The following GPM6A variants were observed in gnomAD, a reference collection of about 807,000 sequenced individuals.
The protein encoded by GPM6A is neuronal membrane glycoprotein M6-a.
Under a neutral mutation model 32.1 loss-of-function variants are expected in GPM6A, and 7 were observed. The observed-to-expected ratio is 0.22, with a 90% confidence interval of 0.12 to 0.41. The LOEUF is 0.41. Among genes scored for constraint, GPM6A ranks in the 10% least tolerant of loss-of-function variants. GPM6A has a pLI of 1.00. For missense variants in GPM6A, 235 were observed against 347.2 expected (o/e 0.68, Z 2.57); for synonymous variants, 130 against 123.4 (o/e 1.05, Z -0.35).
chr4:175,719,045 C>T (rs567848154), intron 1 of GPM6A, among the ~76,000 whole-genome samples: 6 of 151,988 alleles, frequency 3.9e-5, no homozygotes, highest in Non-Finnish European at 5.9e-5. Flanking sequence ...CAGATACAAC[C>T]ATCTTACTAA....
At chr4:175,674,837 C>G (rs1743274577) in intron 2 of GPM6A, among the ~76,000 whole-genome samples, 1 of 151,322 alleles carries the variant, frequency 6.6e-6, no homozygotes. Flanking sequence ...ATATGGCATA[C>G]TTTTATAGTG....
intron 1 of GPM6A, among the ~76,000 whole-genome samples, chr4:175,779,398 G>A (rs1310956693): frequency 6.6e-6 from 1 of 152,124 alleles, no homozygotes; most frequent in East Asian, 1.9e-4. Flanking sequence ...CTTTTCCAAA[G>A]CACGTTATAT....
At chr4:175,703,224 T>TTA (rs397972058) in intron 1 of GPM6A, among the ~76,000 whole-genome samples, 1 of 133,652 alleles carries the variant, frequency 7.5e-6, no homozygotes, top group Non-Finnish European at 1.6e-5. Flanking sequence ...CAGGCTGGAC[T>TTA]ACAGTAGTGC....
intron 4 of GPM6A, chr4:175,641,135 G>A (rs1007400100): frequency 1.2e-5 from 4 of 330,784 alleles, no homozygotes; most frequent in Non-Finnish European, 1.1e-5. Flanking sequence ...TAATGTGATA[G>A]TATAGGCATC....
intron 1 of GPM6A, among the ~76,000 whole-genome samples, chr4:175,748,977 A>G (rs900096858): frequency 2.0e-4 from 30 of 152,160 alleles, no homozygotes; most frequent in African/African-American, 7.2e-4. Flanking sequence ...ATAAATGAAG[A>G]TCTGCTAATT....
intron 6 of GPM6A, among the ~76,000 whole-genome samples, chr4:175,639,173 CAAATT>C (rs935060786): frequency 2.6e-5 from 4 of 151,914 alleles, no homozygotes; most frequent in Admixed American, 2.6e-4. Flanking sequence ...TTTAATAAAA[CAAATT>C]AAATACAAAA....
chr4:175,658,763 A>G (rs1414763037), intron 3 of GPM6A, among the ~76,000 whole-genome samples: 1 of 152,230 alleles, frequency 6.6e-6, no homozygotes, highest in Non-Finnish European at 1.5e-5. Context: ...TATTTATATA[A>G]CAAAAAATGA....
At chr4:175,992,109 TC>T (rs1482583949) in intron 1 of GPM6A, among the ~76,000 whole-genome samples, 5 of 149,166 alleles carry the variant, frequency 3.4e-5, no homozygotes, top group African/African-American at 1.3e-4. Context: ...TAAATAGCAA[TC>T]TAAAAGTTTA....
chr4:175,747,956 A>G (rs766040348), intron 1 of GPM6A, among the ~76,000 whole-genome samples: 1 of 152,194 alleles, frequency 6.6e-6, no homozygotes, highest in Non-Finnish European at 1.5e-5. Flanking sequence ...CTAAATTTTT[A>G]CAATATCTTT....
At chr4:175,948,036 G>A (rs1309089138) in intron 1 of GPM6A, among the ~76,000 whole-genome samples, 2 of 152,126 alleles carry the variant, frequency 1.3e-5, no homozygotes, top group Non-Finnish European at 2.9e-5. Context: ...AATAGCAATA[G>A]CAATAGCAAT....
intron 1 of GPM6A, among the ~76,000 whole-genome samples, chr4:175,752,193 C>G (rs959543390): frequency 6.6e-6 from 1 of 152,130 alleles, no homozygotes; most frequent in African/African-American, 2.4e-5. Flanking sequence ...TTCCTTCTAT[C>G]ATCATTTCTT....
At chr4:175,937,113 G>A (rs1194674645) in intron 1 of GPM6A, among the ~76,000 whole-genome samples, 2 of 152,102 alleles carry the variant, frequency 1.3e-5, no homozygotes, top group Non-Finnish European at 2.9e-5. Context: ...AAAAATGGGA[G>A]TAGTTTTGGG....
Position 175,775,649 on chromosome 4 carries a change from CT to C in GPM6A, c.37+36541del, listed in dbSNP as rs1733363543. Reference sequence around the variant, plus strand: ...TCCAAATGCCTTGCTTTCATATTCCCTTAAAGGACTACCTATTAATTGTCAA... The same window carrying C: ...TCCAAATGCCTTGCTTTCATATTCCCTAAAGGACTACCTATTAATTGTCAA... On this transcript the variant is annotated intron_variant, in intron 1 of 6. Coordinates refer to ENST00000393658, the MANE Select transcript of GPM6A (RefSeq NM_201591.3). Among the ~76,000 whole-genome samples the C allele has an allele frequency of 2.0e-5, 3 of 152,110 alleles. No individual in the cohort carries two copies. In the South Asian group the frequency reaches 6.2e-4, roughly 32 times the overall value.
chr4:175,782,901 A>G lies in GPM6A; in HGVS notation c.37+29290T>C, dbSNP rs2111256765. 2.6e-5 allele frequency among the ~76,000 whole-genome samples: 4 copies of G among 152,130 alleles called. No homozygotes were observed. The South Asian group carries it at 8.3e-4, about 32-fold the overall frequency. On this transcript the variant is annotated intron_variant, in intron 1 of 6. Coordinates refer to ENST00000393658, the MANE Select transcript of GPM6A (RefSeq NM_201591.3). ...ATAAATATTTAAGATTTTGTTGTCA[A>G]TACACTGAGTAAAATTAACACAGAC... is the stretch of plus-strand genomic sequence containing the variant.
intron 1 of GPM6A, chr4:175,798,582 A>G (rs1019316321): frequency 6.6e-6 from 1 of 152,232 alleles, no homozygotes; most frequent in Non-Finnish European, 1.5e-5. Context: ...GAATCACATT[A>G]TCAAAAATAC....
intron 1 of GPM6A, among the ~76,000 whole-genome samples, chr4:175,732,302 G>A (rs1731468921): frequency 6.6e-6 from 1 of 151,914 alleles, no homozygotes; most frequent in Non-Finnish European, 1.5e-5. Context: ...TATTGCTACA[G>A]TAGCACACAT....
At chr4:175,685,832 C>A (rs967762228) in intron 2 of GPM6A, among the ~76,000 whole-genome samples, 2 of 152,152 alleles carry the variant, frequency 1.3e-5, no homozygotes, top group African/African-American at 4.8e-5. Flanking sequence ...TATCATACAT[C>A]TCTTCTTATC....
intron 1 of GPM6A, chr4:175,787,352 A>T (rs760454476): frequency 6.5e-7 from 1 of 1,534,128 alleles, no homozygotes; most frequent in African/African-American, 1.4e-5. Context: ...GGTCTGTCAT[A>T]AAAGTGTGAT....
intron 1 of GPM6A, among the ~76,000 whole-genome samples, chr4:175,744,939 C>A (rs1296661774): frequency 1.3e-5 from 2 of 152,008 alleles, no homozygotes; most frequent in Non-Finnish European, 2.9e-5. Context: ...AATTGTTAAA[C>A]ATAATAAAAA....
Sources: allele counts gnomAD v4.1 joint callset (sites outside exome capture counted in the v4.1 genomes callset), GRCh38; gene constraint gnomAD v4.1.1; transcripts MANE v1.5; gene names NCBI Gene and HGNC (gene_info 2026-07-23, HGNC 2026-07-21).